The following NXPH1 variants were observed in gnomAD, a reference collection of about 807,000 sequenced individuals.
The protein encoded by NXPH1 is neurexophilin-1.
A neutral mutation model predicts 23.7 loss-of-function variants in NXPH1; 5 were observed. The observed-to-expected ratio is 0.21, with a 90% confidence interval of 0.11 to 0.44. The LOEUF (loss-of-function observed/expected upper bound fraction) is 0.44. NXPH1 is among the 20% of genes least tolerant of loss of function. The probability of loss-of-function intolerance (pLI) is 0.99; values close to 1 mark genes in which losing one functional copy is unlikely to be tolerated. For missense variants in NXPH1, 324 were observed against 321.6 expected, an observed-to-expected ratio of 1.01 and a Z score of -0.06; for synonymous variants, 144 against 122.2, an observed-to-expected ratio of 1.18 and a Z score of -1.18.
intron 2 of NXPH1, among the ~76,000 whole-genome samples, chr7:8,494,124 T>C (rs546678937): frequency 6.6e-6 from 1 of 152,078 alleles, no homozygotes. Context: ...CACAGGGAGG[T>C]ACTACTTGTC....
At chr7:8,703,050 G>C (rs529167571) in intron 2 of NXPH1, among the ~76,000 whole-genome samples, 1 of 152,250 alleles carries the variant, frequency 6.6e-6, no homozygotes, top group Admixed American at 6.5e-5. Flanking sequence ...TGGAGGAAGA[G>C]AGGGATTTTA....
chr7:8,602,762 T>G (rs1243316023), intron 2 of NXPH1, among the ~76,000 whole-genome samples: 1 of 152,170 alleles, frequency 6.6e-6, no homozygotes, highest in African/African-American at 2.4e-5. Context: ...AGGGTCCACC[T>G]TCATAGCTCC....
intron 2 of NXPH1, among the ~76,000 whole-genome samples, chr7:8,438,721 G>T (rs1816241785): frequency 6.6e-6 from 1 of 152,194 alleles, no homozygotes; most frequent in Non-Finnish European, 1.5e-5. Context: ...AAACTCTGCA[G>T]TAGGTCAATG....
chr7:8,751,478 A>G lies in NXPH1; in HGVS notation c.525A>G (p.Glu175=). ...VSLVPPTKIV[E]FDLAQQTVID... is the part of the protein sequence containing the mutation. ...TGGTACCCCCTACAAAAATCGTGGAATTTGACTTGGCACAACAAACCGTGA... is the reference window on the plus strand; with the variant it reads ...TGGTACCCCCTACAAAAATCGTGGAGTTTGACTTGGCACAACAAACCGTGA... Residue 175 remains glutamate (E), a synonymous_variant, in exon 3 of 3, where the codon GAA becomes GAG. Transcript: ENST00000405863. This position sits in a 1 kb window ranked among gnomAD's most constrained non-coding sequence, Gnocchi z 4.5. 1 of 1,613,800 alleles carries G rather than the reference A, an allele frequency of 6.2e-7. No individual in the cohort carries two copies. Among genetic ancestry groups the G allele is most frequent in the Non-Finnish European group, 8.5e-7 (1 of 1,179,832 alleles).
intron 2 of NXPH1, among the ~76,000 whole-genome samples, chr7:8,639,045 A>G (rs762715007): frequency 2.6e-4 from 40 of 152,214 alleles, no homozygotes; most frequent in Non-Finnish European, 4.6e-4. Context: ...AAAAGTGCTT[A>G]GTTTTTGGCA....
At chr7:8,657,901 A>C (rs1003745431) in intron 2 of NXPH1, among the ~76,000 whole-genome samples, 5 of 152,212 alleles carry the variant, frequency 3.3e-5, no homozygotes, top group Admixed American at 3.3e-4. Flanking sequence ...GTTAGCACGC[A>C]CCTGTAATCC....
chr7:8,545,580 T>C (rs530985782), intron 2 of NXPH1, among the ~76,000 whole-genome samples: 4 of 151,460 alleles, frequency 2.6e-5, no homozygotes, highest in African/African-American at 9.7e-5. Flanking sequence ...CAAATAACTT[T>C]CTTTTTCTAT....
intron 2 of NXPH1, among the ~76,000 whole-genome samples, chr7:8,609,738 T>C (rs994760854): frequency 1.3e-5 from 2 of 152,192 alleles, no homozygotes; most frequent in Non-Finnish European, 2.9e-5. Context: ...GACACAATTT[T>C]AATATATTTT....
At position 8,435,624 on chromosome 7, in the gene NXPH1, C is replaced by T. The variant is rs1816179548; in HGVS notation, c.-90C>T. 8.3e-7 allele frequency: 1 copy of T among 1,201,458 alleles called. No homozygotes were observed. Among genetic ancestry groups the T allele is most frequent in the South Asian group, 1.2e-5 (1 of 82,826 alleles). 74.4% of individuals were successfully genotyped at this position (1,201,458 alleles called of 1,614,324 possible). On this transcript the variant is annotated 5_prime_UTR_variant, in exon 2 of 3. Coordinates refer to ENST00000405863, the MANE Select transcript of NXPH1 (RefSeq NM_152745.3). The surrounding 1 kb of genome is among the most constrained non-coding windows in gnomAD (Gnocchi z 5.9). ...TCTAGGCTGCTGAGAGCGCTCCTTG[C>T]TCTGTAAAGTGGATGTCAGGTGGAT...
chr7:8,748,232 A>G (rs904210470), intron 2 of NXPH1, among the ~76,000 whole-genome samples: 1 of 152,190 alleles, frequency 6.6e-6, no homozygotes. Context: ...AATGTGGTCC[A>G]TTTCTGCGAT....
chr7:8,648,753 A>G (rs1180357628), intron 2 of NXPH1, among the ~76,000 whole-genome samples: 5 of 152,216 alleles, frequency 3.3e-5, no homozygotes, highest in Admixed American at 6.5e-5. Flanking sequence ...TCTTGAAAAC[A>G]TCTGAAACAA....
At chr7:8,546,559 T>C (rs1818200224) in intron 2 of NXPH1, among the ~76,000 whole-genome samples, 1 of 151,364 alleles carries the variant, frequency 6.6e-6, no homozygotes, top group African/African-American at 2.4e-5. Context: ...AGGTCTGGAG[T>C]AGAGCTTGTG....
At chr7:8,451,301 G>C (rs753152948) in intron 2 of NXPH1, among the ~76,000 whole-genome samples, 1 of 152,122 alleles carries the variant, frequency 6.6e-6, no homozygotes, top group Admixed American at 6.6e-5. Flanking sequence ...ATAAGACCCT[G>C]ATAGATCCTT....
At chr7:8,637,719 C>T (rs1388024222) in intron 2 of NXPH1, among the ~76,000 whole-genome samples, 2 of 152,154 alleles carry the variant, frequency 1.3e-5, no homozygotes, top group Non-Finnish European at 2.9e-5. Flanking sequence ...GTGCAATGAA[C>T]TCACAATACA....
intron 2 of NXPH1, among the ~76,000 whole-genome samples, chr7:8,453,190 C>A (rs1816536620): frequency 1.3e-5 from 2 of 151,972 alleles, no homozygotes; most frequent in African/African-American, 4.8e-5. Context: ...GAAAGAAATA[C>A]TTGTATTTGT....
chr7:8,549,217 G>A (rs752694197), intron 2 of NXPH1, among the ~76,000 whole-genome samples: 3 of 151,474 alleles, frequency 2.0e-5, no homozygotes, highest in African/African-American at 4.8e-5. Flanking sequence ...TCCCACTAGA[G>A]TCTCTTATCA....
chr7:8,733,245 A>T (rs578176265), intron 2 of NXPH1, among the ~76,000 whole-genome samples: 1 of 152,200 alleles, frequency 6.6e-6, no homozygotes, highest in Non-Finnish European at 1.5e-5. Flanking sequence ...TCCATGGTGT[A>T]TATGTGTCAC....
intron 2 of NXPH1, among the ~76,000 whole-genome samples, chr7:8,560,458 C>T (rs1818424917): frequency 6.6e-6 from 1 of 151,384 alleles, no homozygotes; most frequent in Admixed American, 6.6e-5. Flanking sequence ...CATAGGGATA[C>T]TCTCATTTCA....
intron 2 of NXPH1, among the ~76,000 whole-genome samples, chr7:8,527,959 AAG>A (rs2128616872): frequency 6.6e-6 from 1 of 152,238 alleles, no homozygotes; most frequent in Non-Finnish European, 1.5e-5. Context: ...TTTGGTAGAA[AAG>A]AGTTTCCTCG....
Sources: allele counts gnomAD v4.1 joint callset (sites outside exome capture counted in the v4.1 genomes callset), GRCh38; gene constraint gnomAD v4.1.1; non-coding constraint Gnocchi (gnomAD v3.1); transcripts MANE v1.5; gene names NCBI Gene and HGNC (gene_info 2026-07-23, HGNC 2026-07-21).